The following PCDH7 variants were observed in gnomAD, a reference collection of about 807,000 sequenced individuals.
PCDH7 encodes protocadherin-7.
In PCDH7, 17 loss-of-function variants were observed where a neutral mutation model predicts 58.9. The ratio of observed to expected loss-of-function variants is 0.29; its 90% CI spans 0.20 to 0.43. The LOEUF is 0.43. Ranked by LOEUF, PCDH7 falls within the 20% of genes least tolerant of loss-of-function variation. The pLI, the probability that PCDH7 is intolerant of heterozygous loss-of-function variation, is 1.00. For synonymous variants in PCDH7, 664 were observed against 616.4 expected, an observed-to-expected ratio of 1.08 and a Z score of -1.14; for missense variants, 1,274 against 1,441.0, an observed-to-expected ratio of 0.88 and a Z score of 1.88.
At chr4:30,878,472 C>T (rs372421811) in intron 1 of PCDH7, among the ~76,000 whole-genome samples, 24 of 152,134 alleles carry the variant, frequency 1.6e-4, no homozygotes, top group East Asian at 7.8e-4. Context: ...AGCCAATGGA[C>T]CTTTCCGAAA....
intron 2 of PCDH7, among the ~76,000 whole-genome samples, chr4:30,945,198 T>A (rs1031140129): frequency 1.3e-5 from 2 of 152,108 alleles, no homozygotes; most frequent in Non-Finnish European, 2.9e-5. Context: ...ACTCTAGATT[T>A]AAGAAATTTT....
intron 1 of PCDH7, among the ~76,000 whole-genome samples, chr4:30,907,226 T>C (rs528931055): frequency 1.3e-5 from 2 of 151,994 alleles, no homozygotes; most frequent in East Asian, 3.9e-4. Flanking sequence ...GAAATGGGCT[T>C]CCTTGGCAAC....
chr4:30,894,990 T>C (rs1270296945), intron 1 of PCDH7, among the ~76,000 whole-genome samples: 1 of 151,984 alleles, frequency 6.6e-6, no homozygotes. Flanking sequence ...TATTATGTTA[T>C]TTTTATCATA....
At chr4:30,744,040 A>C (rs1717434732) in intron 1 of PCDH7, among the ~76,000 whole-genome samples, 1 of 152,148 alleles carries the variant, frequency 6.6e-6, no homozygotes, top group Admixed American at 6.5e-5. Context: ...GCTCTACAAC[A>C]GTCAGTTTAT....
In PCDH7 at chr4:31,107,848, C is replaced by T. The variant is rs556034880; in HGVS notation, c.*8-34625C>T. Among the ~76,000 whole-genome samples the T allele has an allele frequency of 2.9e-3, 434 of 151,882 alleles. 6 individuals carry two copies. The highest frequency in any genetic ancestry group is 0.021 in the South Asian group (101 of 4,798). The stretch of plus-strand genomic sequence containing the variant: ...TTCCTTAAAATGGGTATGAAATTAC[C>T]TTTCTCACCGGAATTTTGTGGATAT... On this transcript the variant is annotated intron_variant, in intron 3 of 3. Coordinates refer to the PCDH7 transcript ENST00000509759.
intron 3 of PCDH7, among the ~76,000 whole-genome samples, chr4:31,026,701 A>G (rs984088281): frequency 2.0e-5 from 3 of 151,986 alleles, no homozygotes; most frequent in Non-Finnish European, 2.9e-5. Context: ...TATTTGTAAC[A>G]CCTCTTATTT....
chr4:31,033,861 A>C (rs1755162622), intron 3 of PCDH7, among the ~76,000 whole-genome samples: 1 of 152,138 alleles, frequency 6.6e-6, no homozygotes, highest in South Asian at 2.1e-4. Context: ...TGAGAGGCTG[A>C]GGTGGGCAGA....
intron 3 of PCDH7, among the ~76,000 whole-genome samples, chr4:31,104,187 C>T (rs543506963): frequency 3.9e-5 from 6 of 152,306 alleles, no homozygotes; most frequent in African/African-American, 1.4e-4. Context: ...TGAGCTCTTG[C>T]AGTGCAAGCA....
rs115748950 is a variant in PCDH7 at position 31,035,675 on chromosome 4, T to C, written c.*7+85460T>C. ...GGCGAGCATGACATTAGAATATAATTCCCCAAATGGTAGTGCCACCATGTA... is the reference window on the plus strand; with the variant it reads ...GGCGAGCATGACATTAGAATATAATCCCCCAAATGGTAGTGCCACCATGTA... On this transcript the variant is annotated intron_variant, in intron 3 of 3. Coordinates refer to the PCDH7 transcript ENST00000509759. Among the ~76,000 whole-genome samples, 1,077 of 152,240 alleles carry C rather than the reference T, an allele frequency of 7.1e-3. 10 individuals are homozygous for C. Among genetic ancestry groups the C allele is most frequent in the African/African-American group, 0.018 (736 of 41,532 alleles).
intron 3 of PCDH7, among the ~76,000 whole-genome samples, chr4:30,977,363 G>A (rs1240608418): frequency 6.6e-6 from 1 of 152,056 alleles, no homozygotes; most frequent in African/African-American, 2.4e-5. Flanking sequence ...TTGGCCCATT[G>A]CTATCTGTGG....
intron 3 of PCDH7, among the ~76,000 whole-genome samples, chr4:31,079,060 G>T (rs1448961658): frequency 6.6e-6 from 1 of 151,348 alleles, no homozygotes; most frequent in Non-Finnish European, 1.5e-5. Context: ...AATTCCAGGG[G>T]TATTAAACAT....
intron 1 of PCDH7, among the ~76,000 whole-genome samples, chr4:30,788,950 A>G (rs914523912): frequency 2.6e-5 from 4 of 152,192 alleles, no homozygotes; most frequent in Admixed American, 2.6e-4. Context: ...CTTAATATTC[A>G]TCATCTTAAT....
chr4:30,848,916 T>A (rs947071527), intron 1 of PCDH7, among the ~76,000 whole-genome samples: 1 of 152,142 alleles, frequency 6.6e-6, no homozygotes, highest in African/African-American at 2.4e-5. Context: ...GACCTATTCT[T>A]ATTACTAATT....
chr4:30,851,600 T>C (rs998314337), intron 1 of PCDH7, among the ~76,000 whole-genome samples: 1 of 152,038 alleles, frequency 6.6e-6, no homozygotes, highest in Non-Finnish European at 1.5e-5. Context: ...GTTGCTTCAT[T>C]TGTAACTGTA....
intron 2 of PCDH7, among the ~76,000 whole-genome samples, chr4:30,946,168 G>C (rs1304079297): frequency 6.6e-6 from 1 of 152,086 alleles, no homozygotes; most frequent in Non-Finnish European, 1.5e-5. Context: ...AGACCTTACT[G>C]ATAGGATAAG....
At chr4:30,760,162 C>A (rs1719838715) in intron 1 of PCDH7, among the ~76,000 whole-genome samples, 1 of 152,160 alleles carries the variant, frequency 6.6e-6, no homozygotes. Flanking sequence ...TGTTTCTCAG[C>A]CTTCTATCAC....
At chr4:30,814,252 G>A (rs758280572) in intron 1 of PCDH7, among the ~76,000 whole-genome samples, 2 of 151,784 alleles carry the variant, frequency 1.3e-5, no homozygotes, top group African/African-American at 2.4e-5. Context: ...TAAGTAATAC[G>A]CCTATATTAA....
intron 3 of PCDH7, among the ~76,000 whole-genome samples, chr4:30,993,141 G>A (rs1243300859): frequency 6.6e-6 from 1 of 152,096 alleles, no homozygotes; most frequent in East Asian, 1.9e-4. Flanking sequence ...AGAGCAAACT[G>A]CCACTCAGAA....
intron 3 of PCDH7, among the ~76,000 whole-genome samples, chr4:31,067,403 G>A (rs1487192401): frequency 6.7e-6 from 1 of 148,166 alleles, no homozygotes; most frequent in Non-Finnish European, 1.5e-5. Flanking sequence ...AGCCTAATTG[G>A]AATTAGAAGA....
Sources: allele counts gnomAD v4.1 joint callset (sites outside exome capture counted in the v4.1 genomes callset), GRCh38; gene constraint gnomAD v4.1.1; transcripts MANE v1.5; gene names NCBI Gene and HGNC (gene_info 2026-07-23, HGNC 2026-07-21).